TSC22D1: variants seen among roughly 807,000 people sequenced by gnomAD.
TSC22D1 encodes TSC22 domain family protein 1.
A neutral mutation model predicts 74.2 loss-of-function variants in TSC22D1; 9 were observed. The observed-to-expected ratio is 0.12, with a 90% CI of 0.07 to 0.21. The LOEUF (loss-of-function observed/expected upper bound fraction) is 0.21, where lower values mean the gene tolerates loss of function less well. Ranked by LOEUF, TSC22D1 falls within the 10% of genes least tolerant of loss-of-function variation. TSC22D1 has a pLI of 1.00. For missense variants in TSC22D1, 1,427 were observed against 1,304.7 expected (o/e 1.09, Z -1.44); for synonymous variants, 586 against 492.5 (o/e 1.19, Z -2.51).
chr13:44,570,540 C>G (rs1017516373), intron 1 of TSC22D1, among the ~76,000 whole-genome samples: 3 of 152,068 alleles, frequency 2.0e-5, no homozygotes, highest in Non-Finnish European at 4.4e-5. Flanking sequence ...AAACAAGATA[C>G]ATAATCTTAG....
At chr13:44,528,909 C>CTACT (rs1880685491) in intron 1 of TSC22D1, among the ~76,000 whole-genome samples, 1 of 152,010 alleles carries the variant, frequency 6.6e-6, no homozygotes, top group Admixed American at 6.6e-5. Context: ...CTTGAATAAT[C>CTACT]TATCAAAATT....
intron 1 of TSC22D1, chr13:44,537,767 T>A (rs1174969892): frequency 8.2e-6 from 8 of 979,690 alleles, no homozygotes; most frequent in Non-Finnish European, 9.7e-6. Flanking sequence ...TTAACAAAAA[T>A]TTATTTATAA....
intron 1 of TSC22D1, among the ~76,000 whole-genome samples, chr13:44,556,603 T>C (rs1187234570): frequency 6.6e-6 from 1 of 151,538 alleles, no homozygotes. Context: ...CAGTGGCTCA[T>C]GCCTGTAATC....
chr13:44,446,808 G>A, intron 1 of TSC22D1, among the ~76,000 whole-genome samples: 1 of 146,390 alleles, frequency 6.8e-6, no homozygotes, highest in South Asian at 2.2e-4. Context: ...AGGAAAAGGA[G>A]GAGGAAGAGG....
At chr13:44,517,855 A>ATTTTT (rs1262351609) in intron 1 of TSC22D1, among the ~76,000 whole-genome samples, 14 of 23,572 alleles carry the variant, frequency 5.9e-4, no homozygotes, top group Non-Finnish European at 1.2e-3. Context: ...ATATATATAT[A>ATTTTT]TATTTTTTTT....
intron 1 of TSC22D1, among the ~76,000 whole-genome samples, chr13:44,484,170 T>C (rs1878323220): frequency 6.6e-6 from 1 of 151,918 alleles, no homozygotes; most frequent in Non-Finnish European, 1.5e-5. Context: ...TAGGAACAGG[T>C]TTTAAAAAAC....
chr13:44,455,613 C>T (rs1454008097), intron 1 of TSC22D1, among the ~76,000 whole-genome samples: 1 of 152,140 alleles, frequency 6.6e-6, no homozygotes, highest in East Asian at 1.9e-4. Flanking sequence ...AAGTCAGGTC[C>T]TCCTGTAGAA....
chr13:44,567,247 T>A (rs557909261), intron 1 of TSC22D1, among the ~76,000 whole-genome samples: 1 of 152,194 alleles, frequency 6.6e-6, no homozygotes, highest in Non-Finnish European at 1.5e-5. Context: ...AGCCTTCTTA[T>A]AGGGATCTAA....
chr13:44,436,471 A>C, intron 1 of TSC22D1: 2 of 1,607,116 alleles, frequency 1.2e-6, no homozygotes, highest in South Asian at 1.1e-5. Flanking sequence ...TCCCACGAAT[A>C]AATTTAAAGA....
At position 44,556,153 on chromosome 13, in the gene TSC22D1, C is replaced by A. The variant is rs534783273; in HGVS notation, c.2912+17010G>T. Among the ~76,000 whole-genome samples, 17 of 151,852 alleles carry A rather than the reference C, an allele frequency of 1.1e-4. No individual in the cohort carries two copies. In the South Asian group the frequency reaches 3.5e-3, roughly 31 times the overall value. ...CTATAATTCAAAAAAATTCCAATTG[C>A]TTCAATAGCTCCAACATTTATAAGT... On this transcript the variant is annotated intron_variant, in intron 1 of 2. Coordinates refer to ENST00000458659, the MANE Select transcript of TSC22D1 (RefSeq NM_183422.4).
intron 1 of TSC22D1, among the ~76,000 whole-genome samples, chr13:44,459,706 C>A (rs970895886): frequency 1.3e-5 from 2 of 152,174 alleles, no homozygotes; most frequent in African/African-American, 4.8e-5. Context: ...CTGGCATCTC[C>A]AAGCTTCCAG....
chr13:44,440,808 C>T (rs902703524), intron 1 of TSC22D1, among the ~76,000 whole-genome samples: 2 of 152,088 alleles, frequency 1.3e-5, no homozygotes, highest in African/African-American at 4.8e-5. Context: ...CACCAAAGCA[C>T]ACCACCCTGA....
chr13:44,553,798 G>C (rs962834238), intron 1 of TSC22D1, among the ~76,000 whole-genome samples: 10 of 152,220 alleles, frequency 6.6e-5, no homozygotes. Context: ...GGCAGCATGA[G>C]AGTCAGCGAA....
chr13:44,462,055 G>C lies in TSC22D1; in HGVS notation c.2913-25960C>G, dbSNP rs528558283. Among the ~76,000 whole-genome samples, 8 of 152,044 alleles carry C rather than the reference G, an allele frequency of 5.3e-5. No individual in the cohort carries two copies. In the South Asian group the frequency reaches 8.3e-4, roughly 16 times the overall value. ...AAAGGGTTTCTGCTGGAGGGAGAGG[G>C]GAGATAAATGATTTTAAAAGACGCC... On this transcript the variant is annotated intron_variant, in intron 1 of 2. Transcript: ENST00000458659.
chr13:44,513,645 G>A (rs1879840111), intron 1 of TSC22D1, among the ~76,000 whole-genome samples: 1 of 152,188 alleles, frequency 6.6e-6, no homozygotes, highest in South Asian at 2.1e-4. Flanking sequence ...ATAAACCCTG[G>A]CTATGTTTTT....
intron 1 of TSC22D1, among the ~76,000 whole-genome samples, chr13:44,509,868 A>C (rs1383934196): frequency 7.0e-6 from 1 of 143,332 alleles, no homozygotes; most frequent in African/African-American, 2.6e-5. Flanking sequence ...AAAGAAATAT[A>C]TTTTTAACAT....
intron 1 of TSC22D1, among the ~76,000 whole-genome samples, chr13:44,463,861 C>T (rs1877127386): frequency 1.3e-5 from 2 of 152,124 alleles, no homozygotes; most frequent in Admixed American, 6.5e-5. Flanking sequence ...ATGTACCTAG[C>T]TTAAATTTTC....
intron 1 of TSC22D1, among the ~76,000 whole-genome samples, chr13:44,469,261 T>C (rs964242245): frequency 3.3e-5 from 5 of 152,158 alleles, no homozygotes; most frequent in Admixed American, 3.3e-4. Flanking sequence ...CTTTCCTAAA[T>C]TCAACTACAG....
chr13:44,520,365 T>C (rs35665055), intron 1 of TSC22D1, among the ~76,000 whole-genome samples: 13,147 of 152,180 alleles, frequency 0.086, 739 homozygotes, highest in Non-Finnish European at 0.12. Flanking sequence ...TATGACTAGA[T>C]ACAAAGCTGT....
Sources: allele counts gnomAD v4.1 joint callset (sites outside exome capture counted in the v4.1 genomes callset), GRCh38; gene constraint gnomAD v4.1.1; transcripts MANE v1.5; gene names NCBI Gene and HGNC (gene_info 2026-07-23, HGNC 2026-07-21).